Variants in MACROD2 observed in about 807,000 individuals in gnomAD.
MACROD2 encodes the protein ADP-ribose glycohydrolase MACROD2.
Under a neutral mutation model 70.4 loss-of-function variants are expected in MACROD2, and 36 were observed. The ratio of observed to expected loss-of-function variants is 0.51; its 90% CI spans 0.39 to 0.68. MACROD2 has a LOEUF of 0.68. Ranked by LOEUF, MACROD2 falls within the 30% of genes least tolerant of loss-of-function variation. The probability of loss-of-function intolerance (pLI) is 0.00; values close to 1 mark genes in which losing one functional copy is unlikely to be tolerated. For synonymous variants in MACROD2, 172 were observed against 178.8 expected (o/e 0.96, Z 0.30); for missense variants, 496 against 538.4 (o/e 0.92, Z 0.78).
chr20:14,096,616 A>G (rs1281828368), intron 3 of MACROD2, among the ~76,000 whole-genome samples: 1 of 152,074 alleles, frequency 6.6e-6, no homozygotes, highest in African/African-American at 2.4e-5. Context: ...TGATCTGCCC[A>G]TCCGGCCTCC....
intron 3 of MACROD2, among the ~76,000 whole-genome samples, chr20:14,106,597 T>C (rs1241076540): frequency 6.6e-6 from 1 of 152,100 alleles, no homozygotes; most frequent in Non-Finnish European, 1.5e-5. Flanking sequence ...GGTAGCCAGG[T>C]AGTGGTTACA....
chr20:14,061,368 CAAG>C (rs925212395), intron 2 of MACROD2, among the ~76,000 whole-genome samples: 1 of 152,036 alleles, frequency 6.6e-6, no homozygotes, highest in African/African-American at 2.4e-5. Context: ...GGCAGGATAA[CAAG>C]AAATAAAATT....
At chr20:15,895,193 A>C (rs1206483256) in intron 10 of MACROD2, among the ~76,000 whole-genome samples, 1 of 152,238 alleles carries the variant, frequency 6.6e-6, no homozygotes, top group African/African-American at 2.4e-5. Context: ...AACTTCATTT[A>C]CTTCCTAAAT....
chr20:15,233,481 G>A (rs1031362767), intron 6 of MACROD2, among the ~76,000 whole-genome samples: 3 of 152,000 alleles, frequency 2.0e-5, no homozygotes, highest in Non-Finnish European at 4.4e-5. Flanking sequence ...AAATGTTATA[G>A]TCATACATAA....
chr20:14,641,185 TC>T (rs1985071827), intron 4 of MACROD2, among the ~76,000 whole-genome samples: 1 of 152,230 alleles, frequency 6.6e-6, no homozygotes, highest in East Asian at 1.9e-4. Flanking sequence ...GAAACTATTT[TC>T]TTTACTCATC....
intron 10 of MACROD2, 84 bp downstream of exon 10, chr20:15,885,895 G>A: frequency 7.6e-7 from 1 of 1,318,728 alleles, no homozygotes; most frequent in Non-Finnish European, 1.0e-6. Flanking sequence ...TTCAACGAAA[G>A]ACAAAATAAG....
At chr20:14,480,466 T>G (rs1269447378) in intron 3 of MACROD2, among the ~76,000 whole-genome samples, 1 of 152,152 alleles carries the variant, frequency 6.6e-6, no homozygotes, top group East Asian at 1.9e-4. Flanking sequence ...TTATTTCTGG[T>G]CTTTAGAAGT....
chr20:14,742,886 C>T (rs970432534), intron 5 of MACROD2, among the ~76,000 whole-genome samples: 4 of 151,424 alleles, frequency 2.6e-5, no homozygotes, highest in Non-Finnish European at 5.9e-5. Context: ...CCTGCCTCAG[C>T]CTCCCAAGTA....
At chr20:15,131,818 A>G (rs1377620893) in intron 5 of MACROD2, among the ~76,000 whole-genome samples, 2 of 152,008 alleles carry the variant, frequency 1.3e-5, no homozygotes, top group Non-Finnish European at 2.9e-5. Context: ...GAAACATTAC[A>G]TTTAGAATGT....
At chr20:15,980,201 C>T (rs1270599244) in intron 13 of MACROD2, among the ~76,000 whole-genome samples, 1 of 152,206 alleles carries the variant, frequency 6.6e-6, no homozygotes, top group Non-Finnish European at 1.5e-5. Context: ...TTTTTAACTA[C>T]TGGGTTTAGG....
At chr20:14,496,492 A>G (rs922381496) in intron 4 of MACROD2, among the ~76,000 whole-genome samples, 11 of 152,178 alleles carry the variant, frequency 7.2e-5, no homozygotes, top group Non-Finnish European at 8.8e-5. Context: ...GAAAGACTTA[A>G]AAAATGGTCA....
intron 15 of MACROD2, among the ~76,000 whole-genome samples, chr20:16,031,528 T>C (rs749175845): frequency 2.6e-5 from 4 of 152,166 alleles, no homozygotes; most frequent in Non-Finnish European, 5.9e-5. Flanking sequence ...TGCAAGAACA[T>C]TCACTGAAGC....
intron 8 of MACROD2, among the ~76,000 whole-genome samples, chr20:15,507,487 CTTTCT>C (rs2047442107): frequency 7.7e-6 from 1 of 130,290 alleles, no homozygotes; most frequent in African/African-American, 2.9e-5. Flanking sequence ...TTTCTTTTTT[CTTTCT>C]TTTCTTTTCT....
At chr20:14,511,303 T>A (rs1009173345) in intron 4 of MACROD2, among the ~76,000 whole-genome samples, 15 of 151,982 alleles carry the variant, frequency 9.9e-5, no homozygotes, top group African/African-American at 3.4e-4. Context: ...AAAGGGTAAA[T>A]GCTTGAGGGG....
intron 3 of MACROD2, among the ~76,000 whole-genome samples, chr20:14,321,193 C>T (rs976771885): frequency 6.6e-6 from 1 of 151,780 alleles, no homozygotes. Flanking sequence ...GGTGAAACCC[C>T]GTCTCTACTA....
intron 6 of MACROD2, among the ~76,000 whole-genome samples, chr20:15,414,011 A>G (rs1020940381): frequency 6.6e-6 from 1 of 152,166 alleles, no homozygotes; most frequent in Non-Finnish European, 1.5e-5. Context: ...ATGGTCATTT[A>G]ATATAGAATT....
At chr20:15,762,304 C>T (rs1305835138) in intron 8 of MACROD2, among the ~76,000 whole-genome samples, 2 of 152,178 alleles carry the variant, frequency 1.3e-5, no homozygotes, top group African/African-American at 4.8e-5. Context: ...AGGCAGGTGA[C>T]ATTGATTACT....
chr20:14,953,346 G>T (rs184680345), intron 5 of MACROD2, among the ~76,000 whole-genome samples: 1 of 152,094 alleles, frequency 6.6e-6, no homozygotes, highest in Non-Finnish European at 1.5e-5. Context: ...TCTCTCTGTC[G>T]CCCAGGTTGG....
intron 8 of MACROD2, among the ~76,000 whole-genome samples, chr20:15,569,686 C>A (rs922979804): frequency 1.1e-4 from 17 of 152,118 alleles, no homozygotes; most frequent in African/African-American, 4.1e-4. Context: ...AGCATTACGT[C>A]CTCCAGATTT....
Sources: gnomAD v4.1 joint callset for allele counts (sites outside exome capture counted in the v4.1 genomes callset) on GRCh38, gnomAD v4.1.1 for gene constraint, MANE v1.5 for transcripts, NCBI Gene and HGNC (gene_info 2026-07-23, HGNC 2026-07-21) for gene names.